Variants in SAMD5 observed in about 807,000 individuals in gnomAD.
SAMD5 encodes the protein sterile alpha motif domain containing 5.
In SAMD5, 13 loss-of-function variants were observed where a neutral mutation model predicts 11.3. The observed-to-expected ratio is 1.15, with a 90% CI of 0.75 to 1.83. The LOEUF (loss-of-function observed/expected upper bound fraction) is 1.83, where lower values mean the gene tolerates loss of function less well. Ranked by LOEUF, SAMD5 falls within the 40% of genes most tolerant of loss-of-function variation. The pLI, the probability that SAMD5 is intolerant of heterozygous loss-of-function variation, is 0.00. For missense variants in SAMD5, 255 were observed against 239.1 expected (o/e 1.07, Z -0.44); for synonymous variants, 129 against 111.3 (o/e 1.16, Z -1.00).
the SAMD5 span, among the ~76,000 whole-genome samples, chr6:147,880,151 G>A: frequency 6.6e-6 from 1 of 152,118 alleles, no homozygotes; most frequent in Non-Finnish European, 1.5e-5. Context: ...ATTTTCTCTA[G>A]AAGAAACTGA....
intron 1 of SAMD5, among the ~76,000 whole-genome samples, chr6:147,665,896 A>AT (rs1321775873): frequency 1.3e-5 from 2 of 151,934 alleles, no homozygotes; most frequent in Non-Finnish European, 2.9e-5. Flanking sequence ...TGAAAAAGTT[A>AT]TTTTTTTCCC....
At chr6:147,939,719 T>A in the SAMD5 span, among the ~76,000 whole-genome samples, 1 of 152,256 alleles carries the variant, frequency 6.6e-6, no homozygotes. Context: ...TAGTTCCATT[T>A]TCCAATGGCT....
chr6:147,750,633 C>T, the SAMD5 span, among the ~76,000 whole-genome samples: 2 of 152,136 alleles, frequency 1.3e-5, no homozygotes, highest in Non-Finnish European at 2.9e-5. Flanking sequence ...TGTTCAAACA[C>T]AGATGACTGG....
chr6:147,652,275 G>GT (rs1790496176), intron 1 of SAMD5, among the ~76,000 whole-genome samples: 1 of 120,880 alleles, frequency 8.3e-6, no homozygotes, highest in Non-Finnish European at 2.1e-5. Flanking sequence ...AATAGCTGAA[G>GT]GTTTTTTTGT....
intron 1 of SAMD5, among the ~76,000 whole-genome samples, chr6:147,579,655 C>G (rs915064135): frequency 1.3e-5 from 2 of 151,942 alleles, no homozygotes; most frequent in Non-Finnish European, 2.9e-5. Context: ...ACGGGTTCCA[C>G]CATGTTGGCC....
At chr6:147,700,156 T>G (rs1250798165) in intron 1 of SAMD5, among the ~76,000 whole-genome samples, 1 of 152,194 alleles carries the variant, frequency 6.6e-6, no homozygotes, top group Non-Finnish European at 1.5e-5. Flanking sequence ...AACCTCTCTT[T>G]AGTTTGTATT....
At chr6:147,636,948 G>A (rs1230229817) in intron 1 of SAMD5, among the ~76,000 whole-genome samples, 1 of 151,924 alleles carries the variant, frequency 6.6e-6, no homozygotes, top group Non-Finnish European at 1.5e-5. Context: ...ATTGGGTGAA[G>A]AGGGGTGTCT....
chr6:147,773,029 C>T, the SAMD5 span, among the ~76,000 whole-genome samples: 2 of 152,216 alleles, frequency 1.3e-5, no homozygotes, highest in African/African-American at 4.8e-5. Context: ...GTCACATGGC[C>T]ATTGTCTTAG....
At chr6:147,547,195 C>G (rs950580044) in intron 1 of SAMD5, among the ~76,000 whole-genome samples, 1 of 152,208 alleles carries the variant, frequency 6.6e-6, no homozygotes, top group Admixed American at 6.5e-5. Flanking sequence ...CATTAGTTTT[C>G]TATTGCTGCA....
intron 1 of SAMD5, among the ~76,000 whole-genome samples, chr6:147,515,388 T>A (rs1474381080): frequency 2.0e-5 from 3 of 151,916 alleles, no homozygotes; most frequent in African/African-American, 7.3e-5. Context: ...GATTTATTAA[T>A]CTGTCCATCC....
the SAMD5 span, among the ~76,000 whole-genome samples, chr6:147,749,751 T>C: frequency 2.6e-5 from 4 of 152,192 alleles, no homozygotes; most frequent in Non-Finnish European, 4.4e-5. Flanking sequence ...CATCTTGGTA[T>C]TCATTTGGCA....
chr6:147,784,228 ATTTCT>A, the SAMD5 span, among the ~76,000 whole-genome samples: 1 of 152,046 alleles, frequency 6.6e-6, no homozygotes, highest in African/African-American at 2.4e-5. Context: ...AAGATGTTTA[ATTTCT>A]TTTCTAGCCC....
chr6:147,704,842 A>C (rs116941679), intron 1 of SAMD5, among the ~76,000 whole-genome samples: 7,547 of 152,254 alleles, frequency 0.05, 298 homozygotes, highest in Admixed American at 0.09. Context: ...GGATTAGCTG[A>C]GTGAGCTCAG....
At chr6:147,921,392 G>T in the SAMD5 span, among the ~76,000 whole-genome samples, 1 of 151,800 alleles carries the variant, frequency 6.6e-6, no homozygotes, top group African/African-American at 2.4e-5. Context: ...TAGAATAGTT[G>T]TTGTGTAGGA....
chr6:147,718,317 C>CA (rs1791496415), intron 1 of SAMD5, among the ~76,000 whole-genome samples: 1 of 152,278 alleles, frequency 6.6e-6, no homozygotes, highest in South Asian at 2.1e-4. Context: ...CCGCCTAAAT[C>CA]ACACATTGCA....
At chr6:147,725,912 G>T (rs1244375038) in intron 1 of SAMD5, among the ~76,000 whole-genome samples, 1 of 152,184 alleles carries the variant, frequency 6.6e-6, no homozygotes, top group African/African-American at 2.4e-5. Flanking sequence ...ACCTGAAGGG[G>T]CTATTAACAC....
chr6:147,524,528 T>C (rs998695906), intron 1 of SAMD5, among the ~76,000 whole-genome samples: 5 of 152,014 alleles, frequency 3.3e-5, no homozygotes, highest in Non-Finnish European at 7.3e-5. Context: ...TTTCATTGAT[T>C]GTAATAATTT....
At chr6:147,592,426 C>T (rs1030474526) in intron 1 of SAMD5, among the ~76,000 whole-genome samples, 7 of 151,892 alleles carry the variant, frequency 4.6e-5, no homozygotes, top group Non-Finnish European at 1.0e-4. Flanking sequence ...TTCACATGGT[C>T]GCAGATATTC....
the SAMD5 span, among the ~76,000 whole-genome samples, chr6:147,764,808 T>C: frequency 6.6e-6 from 1 of 152,188 alleles, no homozygotes; most frequent in Non-Finnish European, 1.5e-5. Flanking sequence ...TGTTTGCATA[T>C]CATGTACATG....
Sources: allele counts gnomAD v4.1 joint callset (sites outside exome capture counted in the v4.1 genomes callset), GRCh38; gene constraint gnomAD v4.1.1; transcripts MANE v1.5; gene names NCBI Gene and HGNC (gene_info 2026-07-23, HGNC 2026-07-21).